Variants in ABCB11 observed in about 807,000 individuals in gnomAD.
The protein encoded by ABCB11 is bile salt export pump.
ABCB11 carries 95 observed loss-of-function variants against 148.0 expected under a neutral mutation model. The observed-to-expected ratio is 0.64, with a 90% CI of 0.54 to 0.76. The LOEUF is 0.76. Ranked by LOEUF, ABCB11 falls within the 30% of genes least tolerant of loss-of-function variation. ABCB11 has a pLI of 0.00. For synonymous variants in ABCB11, 591 were observed against 555.4 expected (o/e 1.06, Z -0.90); for missense variants, 1,523 against 1,617.8 (o/e 0.94, Z 1.01).
At chr2:168,948,903 G>C (rs1339103084) in intron 19 of ABCB11, among the ~76,000 whole-genome samples, 1 of 151,666 alleles carries the variant, frequency 6.6e-6, no homozygotes, top group East Asian at 1.9e-4. Flanking sequence ...AGGTTTTTCT[G>C]TACAACTCAT....
Position 168,973,823 on chromosome 2 carries a change from G to T in ABCB11, c.1326C>A (p.Asn442Lys). The T allele has an allele frequency of 1.2e-6, 2 of 1,611,564 alleles. No homozygotes were observed. The highest frequency in any genetic ancestry group is 1.7e-6 in the Non-Finnish European group (2 of 1,178,220). The change falls in exon 13 of 28, where the codon AAC (asparagine) becomes AAA (lysine). Residue 442 changes from asparagine to lysine, a missense_variant. Transcript: ENST00000650372. ...RPEVKILNDLNMVIKPGEMTA... is the reference protein window; with the variant it reads ...RPEVKILNDLKMVIKPGEMTA... ...TCATTTCCCCTGGTTTAATGACCATGTTGAGGTCATTTAGAATCTGGAGAA... is the reference window on the plus strand; with the variant it reads ...TCATTTCCCCTGGTTTAATGACCATTTTGAGGTCATTTAGAATCTGGAGAA...
chr2:169,016,378 T>A (rs1695356902), intron 3 of ABCB11, among the ~76,000 whole-genome samples: 1 of 152,218 alleles, frequency 6.6e-6, no homozygotes, highest in East Asian at 1.9e-4. Context: ...TGATATGTGT[T>A]CTATATGAGA....
intron 12 of ABCB11, among the ~76,000 whole-genome samples, chr2:168,975,096 T>G (rs1341955085): frequency 1.1e-5 from 1 of 88,228 alleles, no homozygotes; most frequent in Non-Finnish European, 2.4e-5. Flanking sequence ...TATATTTAAA[T>G]ATTTATAGAT....
At chr2:168,925,800 C>T (rs556288595) in intron 26 of ABCB11, among the ~76,000 whole-genome samples, 16 of 152,300 alleles carry the variant, frequency 1.1e-4, no homozygotes, top group South Asian at 4.1e-4. Flanking sequence ...AAGGGTGCCA[C>T]GGGCAAGTCT....
downstream of ABCB11, among the ~76,000 whole-genome samples, chr2:168,920,383 A>AC (rs1559170789): frequency 1.1e-5 from 1 of 88,098 alleles, no homozygotes; most frequent in Non-Finnish European, 2.1e-5. Context: ...GTCTAAATTT[A>AC]TTTTTTTAAA....
intron 19 of ABCB11, among the ~76,000 whole-genome samples, chr2:168,948,771 A>T (rs1186349830): frequency 6.6e-6 from 1 of 151,712 alleles, no homozygotes; most frequent in East Asian, 1.9e-4. Flanking sequence ...AGTGTTTCCG[A>T]TTCTCTACCT....
intron 19 of ABCB11, among the ~76,000 whole-genome samples, chr2:168,947,639 A>G (rs1329221905): frequency 1.3e-5 from 2 of 151,816 alleles, no homozygotes; most frequent in African/African-American, 2.4e-5. Context: ...GTGAGAAGAA[A>G]GCATCATGAG....
chr2:169,028,274 G>A (rs1295522193), intron 1 of ABCB11, among the ~76,000 whole-genome samples: 1 of 151,904 alleles, frequency 6.6e-6, no homozygotes, highest in African/African-American at 2.4e-5. Context: ...TTACAATGTG[G>A]CAGGGAAGGC....
At chr2:168,984,371 C>T (rs1162377878) in intron 10 of ABCB11, among the ~76,000 whole-genome samples, 2 of 152,182 alleles carry the variant, frequency 1.3e-5, no homozygotes, top group Non-Finnish European at 2.9e-5. Context: ...TTCCGTTGCT[C>T]ACTGTTGAAT....
intron 5 of ABCB11, among the ~76,000 whole-genome samples, chr2:169,004,756 G>A (rs1476492139): frequency 6.6e-6 from 1 of 152,094 alleles, no homozygotes; most frequent in Non-Finnish European, 1.5e-5. Flanking sequence ...TGCTTTTCTG[G>A]TTCTCTCTTA....
Position 168,970,108 on chromosome 2 carries a change from C to A in ABCB11, c.1746G>T (p.Leu582Phe), listed in dbSNP as rs1693510595. 1 of 1,612,858 alleles carries A rather than the reference C, an allele frequency of 6.2e-7. No homozygotes were observed. Among genetic ancestry groups the A allele is most frequent in the African/African-American group, 1.3e-5 (1 of 74,836 alleles). The change falls in exon 15 of 28, where the codon TTG (leucine) becomes TTT (phenylalanine). Residue 582 changes from leucine to phenylalanine, a missense_variant. By Grantham distance (22) the Leu-to-Phe change is conservative. Transcript: ENST00000650372. ...TGTCCAGAGCTGAGGTGGCCATGTC[C>A]AAAAGCAGAATCTTGGGATTTCGGA... The part of the protein sequence containing the change: ...ALIRNPKILL[L>F]DMATSALDNE...
In ABCB11 at chr2:168,971,880, G is replaced by A. The variant is rs144848376; in HGVS notation, c.1605C>T (p.Ala535=). 642 of 1,612,908 alleles carry A rather than the reference G, an allele frequency of 4.0e-4. 6 individuals are homozygous for A. The East Asian group carries it at 0.012, about 29-fold the overall frequency. Residue 535 remains alanine, a synonymous_variant, in exon 14 of 28, where the codon GCC becomes GCT. Coordinates refer to ENST00000650372, the MANE Select transcript of ABCB11 (RefSeq NM_003742.4). ...GGTCCATGATGAAGTTGTAGGCATT[G>A]GCCTCCTTGGCAGCTTGGACTATGT... is the stretch of plus-strand genomic sequence containing the variant. ...MEDIVQAAKE[A]NAYNFIMDLP... is the part of the protein sequence containing the mutation.
At chr2:168,969,128 A>AG (rs1298295091) in intron 16 of ABCB11, among the ~76,000 whole-genome samples, 1 of 148,748 alleles carries the variant, frequency 6.7e-6, no homozygotes, top group Non-Finnish European at 1.5e-5. Flanking sequence ...AAAAAAAAAA[A>AG]AAAGGGGGGG....
chr2:169,004,980 CAA>C (rs1694977677), intron 5 of ABCB11, among the ~76,000 whole-genome samples: 1 of 152,222 alleles, frequency 6.6e-6, no homozygotes, highest in African/African-American at 2.4e-5. Flanking sequence ...CAAGAGTCTG[CAA>C]AGAGTCCTGT....
chr2:169,005,789 T>C (rs1695001524), intron 5 of ABCB11, among the ~76,000 whole-genome samples: 1 of 152,210 alleles, frequency 6.6e-6, no homozygotes, highest in African/African-American at 2.4e-5. Context: ...GTATACATAT[T>C]TCAAAACATC....
rs185129923 is a variant in ABCB11, at chr2:168,969,076, C to T, written c.2011+274G>A. On this transcript the variant is annotated intron_variant, in intron 16 of 27. Coordinates refer to ENST00000650372, the MANE Select transcript of ABCB11 (RefSeq NM_003742.4). ...ATAAGCATGAAGCTTCTACTGCGTG[C>T]GGAACACACTCTAGGAAGCCTCTTC... 5.1e-3 allele frequency among the ~76,000 whole-genome samples: 749 copies of T among 148,052 alleles called. 45 individuals are homozygous for T. In the South Asian group the frequency reaches 0.12, roughly 23 times the overall value.
At chr2:168,954,265 C>T (rs1692691699) in intron 19 of ABCB11, among the ~76,000 whole-genome samples, 1 of 150,956 alleles carries the variant, frequency 6.6e-6, no homozygotes. Context: ...TTCTGTTATG[C>T]CATTTTATTT....
At chr2:168,987,581 C>T (rs1694369721) in intron 9 of ABCB11, among the ~76,000 whole-genome samples, 1 of 152,090 alleles carries the variant, frequency 6.6e-6, no homozygotes, top group Non-Finnish European at 1.5e-5. Flanking sequence ...AGGTGTACAC[C>T]ACCATGTCTG....
chr2:168,934,061 A>G (rs1187733944), intron 23 of ABCB11, among the ~76,000 whole-genome samples: 1 of 151,442 alleles, frequency 6.6e-6, no homozygotes, highest in Non-Finnish European at 1.5e-5. Context: ...GTAGCCCCAG[A>G]TTTTTACATG....
Sources: allele counts gnomAD v4.1 joint callset (sites outside exome capture counted in the v4.1 genomes callset), GRCh38; gene constraint gnomAD v4.1.1; transcripts MANE v1.5; gene names NCBI Gene and HGNC (gene_info 2026-07-23, HGNC 2026-07-21).